GARNL3: variants seen among roughly 807,000 people sequenced by gnomAD.
The protein encoded by GARNL3 is GTPase-activating Rap/Ran-GAP domain-like protein 3.
GARNL3 carries 63 observed loss-of-function variants against 125.0 expected under a neutral mutation model. The ratio of observed to expected loss-of-function variants is 0.50; its 90% CI spans 0.41 to 0.62. The LOEUF is 0.62. Ranked by LOEUF, GARNL3 falls within the 20% of genes least tolerant of loss-of-function variation. GARNL3 has a pLI of 0.00. For synonymous variants in GARNL3, 439 were observed against 457.5 expected, an observed-to-expected ratio of 0.96 and a Z score of 0.52; for missense variants, 994 against 1,244.0, an observed-to-expected ratio of 0.80 and a Z score of 3.02.
At chr9:127,383,059 C>T (rs756545280) in intron 22 of GARNL3, among the ~76,000 whole-genome samples, 6 of 152,216 alleles carry the variant, frequency 3.9e-5, no homozygotes, top group Admixed American at 3.9e-4. Flanking sequence ...CTGCTTCCCC[C>T]ACACAGTGCT....
chr9:127,264,573 C>T (rs181868683), upstream of GARNL3: 179 of 1,051,752 alleles, frequency 1.7e-4, 1 homozygote, highest in African/African-American at 2.7e-3. Flanking sequence ...TTGCAAGATC[C>T]GGTTCAGCAG....
At chr9:127,313,284 GA>G in intron 3 of GARNL3, 156 bp from the exon 4 acceptor site, 1 of 653,170 alleles carries the variant, frequency 1.5e-6, no homozygotes, top group South Asian at 1.7e-5. Context: ...AGGAATACAT[GA>G]TCCCCCGAGA....
chr9:127,319,915 A>G (rs995731534), intron 5 of GARNL3, among the ~76,000 whole-genome samples: 4 of 152,244 alleles, frequency 2.6e-5, no homozygotes, highest in African/African-American at 9.6e-5. Context: ...GCAAGATTTT[A>G]AAGATATGAC....
rs1372289084 is a variant in GARNL3, at chr9:127,225,329, C to T, written c.-29+991C>T. ...CCGGGGCGATGGAACCGGAGCCCGGCGGGGTGGCCGCTGCGCTCCTGCGGC... is the reference window on the plus strand; with the variant it reads ...CCGGGGCGATGGAACCGGAGCCCGGTGGGGTGGCCGCTGCGCTCCTGCGGC... On this transcript the variant is annotated intron_variant, in intron 1 of 10. Coordinates refer to the GARNL3 transcript ENST00000439286. The T allele has an allele frequency of 4.1e-6, 4 of 983,940 alleles. No individual in the cohort carries two copies. The African/African-American group carries it at 7.0e-5, about 17-fold the overall frequency. 61.0% of individuals were successfully genotyped at this position (983,940 alleles called of 1,614,324 possible).
intron 1 of GARNL3, among the ~76,000 whole-genome samples, chr9:127,268,503 C>T (rs2063750770): frequency 6.6e-6 from 1 of 152,212 alleles, no homozygotes; most frequent in South Asian, 2.1e-4. Flanking sequence ...CTCTCCAGCT[C>T]ATTTTTCCCA....
intron 4 of GARNL3, among the ~76,000 whole-genome samples, chr9:127,315,502 A>G (rs1224367288): frequency 6.6e-6 from 1 of 152,070 alleles, no homozygotes; most frequent in African/African-American, 2.4e-5. Flanking sequence ...TTAGCCATGC[A>G]TGGTGGCTTA....
intron 16 of GARNL3, among the ~76,000 whole-genome samples, chr9:127,348,051 C>T (rs1183131106): frequency 6.6e-6 from 1 of 152,190 alleles, no homozygotes; most frequent in Non-Finnish European, 1.5e-5. Context: ...CCTACATGTG[C>T]ACATGCAGGC....
intron 2 of GARNL3, chr9:127,245,207 A>ACC (rs1157581395): frequency 1.3e-5 from 2 of 152,236 alleles, no homozygotes; most frequent in Non-Finnish European, 2.9e-5. Context: ...CCCGCAGTGC[A>ACC]CCGCGCGGGT....
At chr9:127,273,612 C>A (rs1175556575) in intron 1 of GARNL3, among the ~76,000 whole-genome samples, 3 of 152,152 alleles carry the variant, frequency 2.0e-5, no homozygotes. Flanking sequence ...TTGACTTGTA[C>A]CATGGCATTA....
intron 2 of GARNL3, among the ~76,000 whole-genome samples, chr9:127,248,366 G>T (rs537896127): frequency 5.9e-5 from 9 of 152,148 alleles, no homozygotes; most frequent in African/African-American, 2.2e-4. Flanking sequence ...AGGCGTGGGG[G>T]CCCATCTGTT....
At position 127,316,953 on chromosome 9, in the gene GARNL3, C is replaced by T. The variant is rs976454677; in HGVS notation, c.439-1110C>T. On this transcript the variant is annotated intron_variant, in intron 4 of 27. Transcript: ENST00000373387. ...CATTCCCTAAAAGAAATGTTCTTACCCTCCTCTAGCCGTTTGTGATGACAA... is the reference window on the plus strand; with the variant it reads ...CATTCCCTAAAAGAAATGTTCTTACTCTCCTCTAGCCGTTTGTGATGACAA... Among the ~76,000 whole-genome samples the T allele has an allele frequency of 4.0e-4, 60 of 150,556 alleles. 1 individual carries two copies. The highest frequency in any genetic ancestry group is 5.9e-4 in the Non-Finnish European group (40 of 67,926).
At chr9:127,300,837 T>C in intron 2 of GARNL3, 1 of 363,876 alleles carries the variant, frequency 2.7e-6, no homozygotes. Flanking sequence ...TTTAGCAACA[T>C]TAGGCATGTA....
chr9:127,339,985 C>T (rs1037192455), intron 13 of GARNL3, among the ~76,000 whole-genome samples: 3 of 152,178 alleles, frequency 2.0e-5, no homozygotes, highest in Non-Finnish European at 4.4e-5. Context: ...CACTCACCCA[C>T]TAAGGACCCT....
At chr9:127,272,155 G>A (rs2063838418) in intron 1 of GARNL3, among the ~76,000 whole-genome samples, 1 of 150,104 alleles carries the variant, frequency 6.7e-6, no homozygotes, top group South Asian at 2.1e-4. Flanking sequence ...TTTTGTTCAG[G>A]CACAGATTGG....
intron 13 of GARNL3, among the ~76,000 whole-genome samples, chr9:127,341,402 C>T (rs1255905368): frequency 2.0e-5 from 3 of 152,222 alleles, no homozygotes; most frequent in Non-Finnish European, 4.4e-5. Flanking sequence ...CAGCTGAGGC[C>T]TTTCAGAGCA....
At position 127,388,973 on chromosome 9, in the gene GARNL3, C is replaced by T; in HGVS notation, c.2597C>T (p.Pro866Leu). ...RNLVGRSIERPLKSPLVSKVI... is the reference protein window; with the variant it reads ...RNLVGRSIERLLKSPLVSKVI... ...CTCGTGGGCAGAAGCATCGAACGAC[C>T]TCTGAAGTCACCCTTAGTCTCCAAG... The change falls in exon 26 of 28, where the codon CCT (proline) becomes CTT (leucine). Residue 866 changes from proline to leucine, a missense_variant. Transcript: ENST00000373387. 1 of 1,613,736 alleles carries T rather than the reference C, an allele frequency of 6.2e-7. No homozygotes were observed. Among genetic ancestry groups the T allele is most frequent in the Non-Finnish European group, 8.5e-7 (1 of 1,179,582 alleles).
At chr9:127,362,947 G>A (rs1831091260) in intron 21 of GARNL3, 1 of 152,246 alleles carries the variant, frequency 6.6e-6, no homozygotes. Context: ...TGGCGTGAGT[G>A]CGCATGCCTC....
At chr9:127,344,726 G>C (rs1046236406) in intron 15 of GARNL3, among the ~76,000 whole-genome samples, 1 of 152,144 alleles carries the variant, frequency 6.6e-6, no homozygotes, top group African/African-American at 2.4e-5. Context: ...GAGTGGCAGT[G>C]GCACTCACAG....
At chr9:127,389,231 A>G in intron 26 of GARNL3, 112 bp downstream of exon 26, 1 of 764,140 alleles carries the variant, frequency 1.3e-6, no homozygotes, top group Non-Finnish European at 2.1e-6. Context: ...TTTCCTTTTA[A>G]GAAGGGATTT....
Sources: allele counts gnomAD v4.1 joint callset (sites outside exome capture counted in the v4.1 genomes callset), GRCh38; gene constraint gnomAD v4.1.1; transcripts MANE v1.5; gene names NCBI Gene and HGNC (gene_info 2026-07-23, HGNC 2026-07-21).